The following TENM3 variants were observed in gnomAD, a reference collection of about 807,000 sequenced individuals.
TENM3 encodes the protein teneurin transmembrane protein 3.
Under a neutral mutation model 255.1 loss-of-function variants are expected in TENM3, and 63 were observed. The ratio of observed to expected loss-of-function variants is 0.25; its 90% confidence interval spans 0.20 to 0.30. The LOEUF (loss-of-function observed/expected upper bound fraction) is 0.30. Ranked by LOEUF, TENM3 falls within the 10% of genes least tolerant of loss-of-function variation. TENM3 has a pLI of 1.00. For synonymous variants in TENM3, 1,306 were observed against 1,322.3 expected, an observed-to-expected ratio of 0.99 and a Z score of 0.27; for missense variants, 2,929 against 3,461.1, an observed-to-expected ratio of 0.85 and a Z score of 3.86.
At position 182,603,342 on chromosome 4, in the gene TENM3, T is replaced by A. The variant is rs150293223; in HGVS notation, c.749+2181T>A. On this transcript the variant is annotated intron_variant, in intron 4 of 27. Transcript: ENST00000511685. ...GGGAGGAAATCAACCGCTGATATGA[T>A]CTCACTAATAAATATACAGAATAAT... Among the ~76,000 whole-genome samples the A allele has an allele frequency of 4.4e-3, 667 of 152,312 alleles. 5 individuals carry two copies. The highest frequency in any genetic ancestry group is 0.014 in the African/African-American group (602 of 41,582).
intron 3 of TENM3, among the ~76,000 whole-genome samples, chr4:182,490,062 G>A (rs1340787630): frequency 6.6e-6 from 1 of 152,178 alleles, no homozygotes; most frequent in African/African-American, 2.4e-5. Context: ...AGATTAGGAA[G>A]GGCTTTAGTA....
chr4:182,197,101 C>G lies in TENM3; in HGVS notation c.-76+52347C>G, dbSNP rs147584576. 2.1e-3 allele frequency among the ~76,000 whole-genome samples: 319 copies of G among 152,334 alleles called. 1 individual carries two copies. The highest frequency in any genetic ancestry group is 7.4e-3 in the African/African-American group (306 of 41,576). ...TCCTTCTAAAAGTTCTCTGGTTCTA[C>G]TGATGACATTATTTGTTAATCTATT... On this transcript the variant is annotated intron_variant, in intron 1 of 2. Coordinates refer to the TENM3 transcript ENST00000512480.
At chr4:182,615,863 G>A (rs72701981) in intron 4 of TENM3, among the ~76,000 whole-genome samples, 30,472 of 152,182 alleles carry the variant, frequency 0.2, 3,660 homozygotes, top group Non-Finnish European at 0.27. Context: ...TACCAGCAGT[G>A]ACTTTCTAAG....
chr4:182,732,524 G>A (rs1760851104), intron 16 of TENM3, among the ~76,000 whole-genome samples: 1 of 152,168 alleles, frequency 6.6e-6, no homozygotes, highest in Non-Finnish European at 1.5e-5. Flanking sequence ...TAGGATGTTA[G>A]GTGTAATAAT....
chr4:182,528,976 C>T (rs1739503842), intron 3 of TENM3, among the ~76,000 whole-genome samples: 1 of 152,196 alleles, frequency 6.6e-6, no homozygotes, highest in African/African-American at 2.4e-5. Flanking sequence ...TTACTCTGTA[C>T]CTTAAGTACT....
intron 3 of TENM3, among the ~76,000 whole-genome samples, chr4:182,498,532 A>G (rs1404460255): frequency 6.6e-6 from 1 of 151,688 alleles, no homozygotes. Context: ...GTGGCTTCCT[A>G]TGTACCCTCA....
chr4:181,595,417 C>G, the TENM3 span, among the ~76,000 whole-genome samples: 1 of 108,312 alleles, frequency 9.2e-6, no homozygotes, highest in Admixed American at 1.2e-4. Context: ...GGTGACAGAG[C>G]GAGACTCCAT....
the TENM3 span, among the ~76,000 whole-genome samples, chr4:182,130,350 G>A: frequency 6.6e-6 from 1 of 152,138 alleles, no homozygotes. Context: ...AAAACTCATA[G>A]CAGATCAATA....
chr4:182,050,062 G>A, the TENM3 span, among the ~76,000 whole-genome samples: 1 of 151,694 alleles, frequency 6.6e-6, no homozygotes, highest in African/African-American at 2.4e-5. Context: ...GTACAATCTC[G>A]GCTCCCTGCA....
chr4:182,491,435 G>A (rs1735289370), intron 3 of TENM3, among the ~76,000 whole-genome samples: 1 of 151,626 alleles, frequency 6.6e-6, no homozygotes, highest in South Asian at 2.1e-4. Context: ...TACAATTTAC[G>A]ATCAAACTCA....
At chr4:182,563,860 A>G (rs1284423121) in intron 3 of TENM3, among the ~76,000 whole-genome samples, 2 of 152,218 alleles carry the variant, frequency 1.3e-5, no homozygotes, top group Non-Finnish European at 2.9e-5. Context: ...TCAAAGTTAT[A>G]GTTTTTATTG....
the TENM3 span, among the ~76,000 whole-genome samples, chr4:182,001,742 A>G: frequency 6.6e-6 from 1 of 152,148 alleles, no homozygotes; most frequent in Non-Finnish European, 1.5e-5. Flanking sequence ...ATGTTGGCAC[A>G]TATATTTAGA....
the TENM3 span, among the ~76,000 whole-genome samples, chr4:182,070,679 A>G: frequency 6.6e-6 from 1 of 152,176 alleles, no homozygotes; most frequent in African/African-American, 2.4e-5. Flanking sequence ...AAGCAGTGAC[A>G]GATGAGTCAG....
At chr4:181,675,979 T>C in the TENM3 span, among the ~76,000 whole-genome samples, 1 of 152,146 alleles carries the variant, frequency 6.6e-6, no homozygotes, top group African/African-American at 2.4e-5. Flanking sequence ...TGTTGCCTCA[T>C]AAATCAAGTT....
the TENM3 span, chr4:181,975,844 A>T: frequency 6.6e-6 from 1 of 152,232 alleles, no homozygotes; most frequent in East Asian, 1.9e-4. Flanking sequence ...GCCATAACAA[A>T]GTACCACAAA....
chr4:181,888,532 A>ATATATATATATATATATC, the TENM3 span, among the ~76,000 whole-genome samples: 1 of 78,750 alleles, frequency 1.3e-5, no homozygotes, highest in Non-Finnish European at 2.7e-5. Context: ...ATATACATAT[A>ATATATATATATATATATC]TGTGTATATA....
rs1208914257 is a variant in TENM3 at position 182,730,308 on chromosome 4, C to T, written c.2694C>T (p.Arg898=). The part of the protein sequence containing the change: ...HYPEYGYTIT[R]QDGMFDLVAN... ...CAGAATATGGATATACTATTACCCG[C>T]CAGGACGGAATGTGAGTTAGTCCCA... Residue 898 remains arginine (R), a synonymous_variant, in exon 15 of 28, where the codon CGC becomes CGT. Transcript: ENST00000511685. 5.0e-6 allele frequency: 8 copies of T among 1,613,556 alleles called. No individual in the cohort carries two copies. Among genetic ancestry groups the T allele is most frequent in the Non-Finnish European group, 6.8e-6 (8 of 1,179,724 alleles).
intron 3 of TENM3, among the ~76,000 whole-genome samples, chr4:182,361,658 G>C (rs1429122120): frequency 6.6e-6 from 1 of 151,516 alleles, no homozygotes; most frequent in African/African-American, 2.4e-5. Context: ...CTTTACCTTT[G>C]GTTTGAATTT....
chr4:182,184,419 A>G (rs1038151575), intron 1 of TENM3, among the ~76,000 whole-genome samples: 1 of 152,120 alleles, frequency 6.6e-6, no homozygotes, highest in Admixed American at 6.6e-5. Context: ...CTTTCATCAC[A>G]GATGTAAGCA....
Sources: gnomAD v4.1 joint callset for allele counts (sites outside exome capture counted in the v4.1 genomes callset) on GRCh38, gnomAD v4.1.1 for gene constraint, MANE v1.5 for transcripts, NCBI Gene and HGNC (gene_info 2026-07-23, HGNC 2026-07-21) for gene names.